The following ASXL3 variants were observed in gnomAD, a reference collection of about 807,000 sequenced individuals.
ASXL3 encodes the protein putative Polycomb group protein ASXL3.
Under a neutral mutation model 170.6 loss-of-function variants are expected in ASXL3, and 34 were observed. The observed-to-expected ratio is 0.20, with a 90% CI of 0.15 to 0.27. The LOEUF (loss-of-function observed/expected upper bound fraction) is 0.27, where lower values mean the gene tolerates loss of function less well. Among genes scored for constraint, ASXL3 ranks in the 10% least tolerant of loss-of-function variants. ASXL3 has a pLI of 1.00. For missense variants in ASXL3, 2,592 were observed against 2,695.3 expected (o/e 0.96, Z 0.85); for synonymous variants, 1,002 against 989.1 (o/e 1.01, Z -0.24).
chr18:33,654,511 A>G lies in ASXL3; in HGVS notation c.356-7105A>G, dbSNP rs374930268. Among the ~76,000 whole-genome samples, 3 of 152,102 alleles carry G rather than the reference A, an allele frequency of 2.0e-5. No individual in the cohort carries two copies. The East Asian group carries it at 5.8e-4, about 29-fold the overall frequency. On this transcript the variant is annotated intron_variant, in intron 4 of 11. Transcript: ENST00000269197. ...GAGTTTATAGTTTATATGATAAAGT[A>G]TGAAATAATTAGTAGTGATGCCCAT...
At chr18:33,680,638 G>A (rs2066499676) in intron 7 of ASXL3, among the ~76,000 whole-genome samples, 1 of 152,006 alleles carries the variant, frequency 6.6e-6, no homozygotes, top group African/African-American at 2.4e-5. Flanking sequence ...CTATTTAAAT[G>A]AATGTAGGTT....
intron 8 of ASXL3, among the ~76,000 whole-genome samples, chr18:33,705,826 A>G (rs1224435618): frequency 6.6e-6 from 1 of 151,928 alleles, no homozygotes; most frequent in African/African-American, 2.4e-5. Context: ...AAATGGTAGC[A>G]TATCCTTATA....
Position 33,744,282 on chromosome 18 carries a change from C to T in ASXL3, c.4434C>T (p.Ser1478=), listed in dbSNP as rs773647790. 2 of 1,614,014 alleles carry T rather than the reference C, an allele frequency of 1.2e-6. No homozygotes were observed. The highest frequency in any genetic ancestry group is 2.2e-5 in the South Asian group (2 of 91,084). The part of the protein sequence containing the change: ...SIPCKVIVDH[S]TTLTSSLSLT... ...CGTGTAAAGTCATCGTTGACCACAG[C>T]ACCACGCTGACCTCCAGTTTGTCTC... The change falls in exon 12 of 12, where the codon AGC becomes AGT. Residue 1478 remains serine, a synonymous_variant. Transcript: ENST00000269197.
intron 5 of ASXL3, among the ~76,000 whole-genome samples, chr18:33,662,533 G>A (rs946830599): frequency 2.0e-5 from 3 of 152,158 alleles, no homozygotes; most frequent in Admixed American, 6.6e-5. Flanking sequence ...TGTCATACTG[G>A]CAAATGCTAA....
chr18:33,612,288 G>A (rs1354975528), intron 2 of ASXL3, among the ~76,000 whole-genome samples: 1 of 151,914 alleles, frequency 6.6e-6, no homozygotes, highest in Admixed American at 6.6e-5. Flanking sequence ...TATTAGAGAT[G>A]CCATATTTTA....
chr18:33,682,277 T>A (rs910332971), intron 7 of ASXL3, among the ~76,000 whole-genome samples: 7 of 152,236 alleles, frequency 4.6e-5, no homozygotes, highest in Non-Finnish European at 8.8e-5. Context: ...ATATAAATCA[T>A]GAGCCATAAT....
intron 4 of ASXL3, among the ~76,000 whole-genome samples, chr18:33,647,652 G>A (rs2065935766): frequency 1.3e-5 from 2 of 152,064 alleles, no homozygotes; most frequent in Non-Finnish European, 2.9e-5. Context: ...TTGCCTGGGT[G>A]AGCGCTCATG....
intron 5 of ASXL3, among the ~76,000 whole-genome samples, chr18:33,669,096 TTC>T (rs1161533151): frequency 1.3e-5 from 2 of 152,184 alleles, no homozygotes; most frequent in Non-Finnish European, 2.9e-5. Context: ...TGTTGCTGTA[TTC>T]TGTTTTATTA....
intron 1 of ASXL3, among the ~76,000 whole-genome samples, chr18:33,600,029 A>T (rs746159468): frequency 3.9e-5 from 6 of 152,140 alleles, no homozygotes; most frequent in South Asian, 2.1e-4. Context: ...AATATTTATC[A>T]ATTTTTAGCT....
At chr18:33,626,307 G>T (rs2145162624) in intron 2 of ASXL3, among the ~76,000 whole-genome samples, 1 of 152,124 alleles carries the variant, frequency 6.6e-6, no homozygotes, top group Admixed American at 6.6e-5. Flanking sequence ...TCAAGTTGTT[G>T]TTCCTTCTAA....
intron 4 of ASXL3, among the ~76,000 whole-genome samples, chr18:33,647,730 G>A (rs2065936811): frequency 1.3e-5 from 2 of 152,124 alleles, no homozygotes; most frequent in Middle Eastern, 3.4e-3. Flanking sequence ...TGCAGTTACA[G>A]CAGTGAAAAA....
chr18:33,731,454 T>G (rs1054838817), intron 8 of ASXL3, among the ~76,000 whole-genome samples: 8 of 152,138 alleles, frequency 5.3e-5, no homozygotes, highest in Admixed American at 5.2e-4. Flanking sequence ...ACAGTATACC[T>G]TATGCTTTTA....
chr18:33,689,455 G>T (rs2066653158), intron 8 of ASXL3, among the ~76,000 whole-genome samples: 1 of 152,194 alleles, frequency 6.6e-6, no homozygotes, highest in African/African-American at 2.4e-5. Context: ...ACAGCATCCA[G>T]TACTAAATCT....
Position 33,745,024 on chromosome 18 carries a change from G to A in ASXL3, c.5176G>A (p.Ala1726Thr), listed in dbSNP as rs2067751877. The change falls in exon 12 of 12, where the codon GCC becomes ACC. Residue 1726 changes from alanine (A) to threonine (T), a missense_variant. This residue lies in a region of ASXL3 where 2,246 missense variants were observed against 2,219.6 expected (regional missense o/e 1.01). Transcript: ENST00000269197. ...MEEAISLATD[A>T]LKRVPGAGSS... The stretch of plus-strand genomic sequence containing the variant: ...AGAGGCTATTTCCTTGGCTACCGAT[G>A]CCCTGAAGAGAGTCCCTGGTGCAGG... 6.2e-7 allele frequency: 1 copy of A among 1,614,000 alleles called. No individual in the cohort carries two copies. The highest frequency in any genetic ancestry group is 1.3e-5 in the African/African-American group (1 of 75,048).
chr18:33,736,504 C>A (rs1393800357), intron 10 of ASXL3, among the ~76,000 whole-genome samples: 3 of 151,946 alleles, frequency 2.0e-5, no homozygotes, highest in Admixed American at 2.0e-4. Context: ...TTTATTCCCC[C>A]ACCACCAGCC....
intron 8 of ASXL3, among the ~76,000 whole-genome samples, chr18:33,719,718 T>A (rs1005146178): frequency 6.6e-6 from 1 of 151,932 alleles, no homozygotes; most frequent in Non-Finnish European, 1.5e-5. Flanking sequence ...TTAGTTCTCT[T>A]ATAAGAAACC....
chr18:33,632,781 G>A (rs1383566178), intron 2 of ASXL3, among the ~76,000 whole-genome samples: 1 of 152,126 alleles, frequency 6.6e-6, no homozygotes, highest in Non-Finnish European at 1.5e-5. Context: ...GCTTCTAACT[G>A]GTCTGTCTTC....
rs2067838591 is a variant in ASXL3 at position 33,748,776 on chromosome 18, A to AGAT, written c.*2182_*2184dup. The AGAT allele has an allele frequency of 6.6e-6, 1 of 152,242 alleles. No individual in the cohort carries two copies. Among genetic ancestry groups the AGAT allele is most frequent in the African/African-American group, 2.4e-5 (1 of 41,456 alleles). The allele number at this position is 152,242 out of a possible 1,614,324, so 9.4% of individuals were successfully genotyped here. ...ATTCATTCACTGCTATACCAGTGTCAGATACTGTCTACACCAGCAAATTGA... is the reference window on the plus strand; with the variant it reads ...ATTCATTCACTGCTATACCAGTGTCAGATGATACTGTCTACACCAGCAAATTGA... On this transcript the variant is annotated 3_prime_UTR_variant, in exon 12 of 12. Coordinates refer to ENST00000269197, the MANE Select transcript of ASXL3 (RefSeq NM_030632.3).
intron 1 of ASXL3, among the ~76,000 whole-genome samples, chr18:33,588,448 C>T (rs1397278007): frequency 4.0e-5 from 6 of 150,982 alleles, no homozygotes; most frequent in African/African-American, 1.5e-4. Flanking sequence ...TCAATAGAGG[C>T]TGGGCAGTGA....
Sources: allele counts gnomAD v4.1 joint callset (sites outside exome capture counted in the v4.1 genomes callset), GRCh38; gene constraint gnomAD v4.1.1; regional missense constraint gnomAD v4.1.1; transcripts MANE v1.5; gene names NCBI Gene and HGNC (gene_info 2026-07-23, HGNC 2026-07-21).